SAXO1: variants seen among roughly 807,000 people sequenced by gnomAD.
SAXO1 encodes stabilizer of axonemal microtubules 1, also known as 4930500O09Rik.
SAXO1 carries 21 observed loss-of-function variants against 17.5 expected under a neutral mutation model. That is an observed-to-expected ratio of 1.20 (90% CI 0.85 to 1.72). The LOEUF is 1.72. SAXO1 is among the 40% of genes most tolerant of loss of function. The pLI is 0.00. For missense variants in SAXO1, 843 were observed against 596.0 expected, an observed-to-expected ratio of 1.41 and a Z score of -4.32; for synonymous variants, 274 against 216.5, an observed-to-expected ratio of 1.27 and a Z score of -2.33.
intron 1 of SAXO1, among the ~76,000 whole-genome samples, chr9:18,995,595 G>C (rs1392519092): frequency 1.3e-5 from 2 of 152,078 alleles, no homozygotes; most frequent in Non-Finnish European, 2.9e-5. Context: ...CCTAAACCTG[G>C]CTGCATCCCA....
chr9:19,010,676 T>G (rs552443606), intron 1 of SAXO1, among the ~76,000 whole-genome samples: 6 of 152,264 alleles, frequency 3.9e-5, no homozygotes, highest in Admixed American at 3.9e-4. Flanking sequence ...TAGAAGCAAC[T>G]TATTTTAAAA....
intron 1 of SAXO1, among the ~76,000 whole-genome samples, chr9:19,020,366 C>T (rs1835170106): frequency 6.9e-6 from 1 of 145,822 alleles, no homozygotes; most frequent in Admixed American, 6.9e-5. Flanking sequence ...TTTTGTGAGA[C>T]AGGGTCTTGC....
rs1830849170 is a variant in SAXO1 at position 18,928,203 on chromosome 9, G to C, written c.1274C>G (p.Pro425Arg). ...KEMGRCLASY[P>R]EPPGYTFEEV... is the part of the protein sequence containing the mutation. ...CTCAAAGGTGTAGCCAGGAGGCTCA[G>C]GATATGAAGCTAGGCACCTGCCCAT... Residue 425 changes from proline to arginine, a missense_variant, in exon 4 of 4, where the codon CCT becomes CGT. Coordinates refer to ENST00000380534, the MANE Select transcript of SAXO1 (RefSeq NM_153707.4). 6.2e-7 allele frequency: 1 copy of C among 1,614,198 alleles called. No individual in the cohort carries two copies. The highest frequency in any genetic ancestry group is 8.5e-7 in the Non-Finnish European group (1 of 1,180,040).
At chr9:18,939,599 T>C (rs369992996) in intron 3 of SAXO1, among the ~76,000 whole-genome samples, 10 of 152,320 alleles carry the variant, frequency 6.6e-5, no homozygotes, top group African/African-American at 2.4e-4. Flanking sequence ...AGGCATCACA[T>C]GTGCTAAACA....
intron 3 of SAXO1, among the ~76,000 whole-genome samples, chr9:18,934,990 G>A (rs775248009): frequency 1.3e-4 from 20 of 151,996 alleles, no homozygotes; most frequent in Non-Finnish European, 2.5e-4. Context: ...GCAGTGGCAC[G>A]ATCTCAGCTC....
At chr9:18,955,856 A>T (rs1390125940) in intron 1 of SAXO1, among the ~76,000 whole-genome samples, 1 of 151,032 alleles carries the variant, frequency 6.6e-6, no homozygotes, top group Non-Finnish European at 1.5e-5. Context: ...ACTGGCTATG[A>T]CTCTTCTGCT....
chr9:18,969,365 A>G (rs10511665), intron 1 of SAXO1, among the ~76,000 whole-genome samples: 27,832 of 152,042 alleles, frequency 0.18, 5,364 homozygotes, highest in African/African-American at 0.49. Flanking sequence ...CACTCTCTTC[A>G]CAAGCAATCT....
intron 1 of SAXO1, among the ~76,000 whole-genome samples, chr9:18,991,681 A>G (rs7029677): frequency 0.56 from 85,127 of 151,976 alleles, 24,323 homozygotes; most frequent in Non-Finnish European, 0.63. Flanking sequence ...AAACCTGCAC[A>G]TTGTGCACAT....
intron 1 of SAXO1, among the ~76,000 whole-genome samples, chr9:18,970,939 G>T (rs1563952804): frequency 6.6e-6 from 1 of 152,098 alleles, no homozygotes. Flanking sequence ...CAGTGCCAAG[G>T]TCTCCCTGTG....
intron 1 of SAXO1, among the ~76,000 whole-genome samples, chr9:19,044,940 A>C (rs567493188): frequency 6.6e-6 from 1 of 152,080 alleles, no homozygotes; most frequent in Non-Finnish European, 1.5e-5. Context: ...GAACCTCCAA[A>C]TGGTTCAAGA....
chr9:19,039,311 C>A (rs540147957), intron 1 of SAXO1, among the ~76,000 whole-genome samples: 1 of 152,176 alleles, frequency 6.6e-6, no homozygotes, highest in South Asian at 2.1e-4. Flanking sequence ...CGCTGTGGAA[C>A]AAAATAACGG....
intron 1 of SAXO1, among the ~76,000 whole-genome samples, chr9:19,040,230 G>C (rs1485032115): frequency 2.0e-5 from 3 of 152,106 alleles, no homozygotes; most frequent in Non-Finnish European, 4.4e-5. Context: ...AAAAATTTTT[G>C]TTAAGAAACA....
intron 3 of SAXO1, among the ~76,000 whole-genome samples, chr9:18,937,614 A>G (rs560386547): frequency 6.6e-6 from 1 of 152,284 alleles, no homozygotes; most frequent in African/African-American, 2.4e-5. Flanking sequence ...TTGGGAAATG[A>G]TTGCATCATG....
At chr9:19,045,459 CAG>C (rs1437610849) in intron 1 of SAXO1, among the ~76,000 whole-genome samples, 5 of 150,184 alleles carry the variant, frequency 3.3e-5, no homozygotes, top group Admixed American at 2.0e-4. Flanking sequence ...AAGAGTAAAA[CAG>C]GGGGTCTCTG....
intron 1 of SAXO1, among the ~76,000 whole-genome samples, chr9:18,956,993 G>A (rs1563942667): frequency 1.3e-5 from 2 of 152,206 alleles, no homozygotes. Context: ...CAAAGCCTAT[G>A]CTTTTAAATC....
intron 1 of SAXO1, among the ~76,000 whole-genome samples, chr9:19,018,019 T>C (rs1027239129): frequency 1.2e-4 from 18 of 151,790 alleles, no homozygotes; most frequent in African/African-American, 4.4e-4. Context: ...AATACAAAAA[T>C]TAGTCGGGTG....
In SAXO1 at chr9:18,928,559, T is replaced by A. The variant is rs781324703; in HGVS notation, c.918A>T (p.Thr306=). ...PPEDRMDLLT[T]VQAHYTCPKG... ...TAGGGCATGTGTAATGGGCCTGCAC[T>A]GTTGTCAGAAGATCCATCCTGTCTT... Residue 306 remains threonine (T), a synonymous_variant, in exon 4 of 4, where the codon ACA becomes ACT. Coordinates refer to ENST00000380534, the MANE Select transcript of SAXO1 (RefSeq NM_153707.4). 1 of 1,614,136 alleles carries A rather than the reference T, an allele frequency of 6.2e-7. No homozygotes were observed. The highest frequency in any genetic ancestry group is 8.5e-7 in the Non-Finnish European group (1 of 1,180,008).
intron 1 of SAXO1, among the ~76,000 whole-genome samples, chr9:18,973,465 G>C (rs375387703): frequency 6.6e-6 from 1 of 152,190 alleles, no homozygotes; most frequent in Non-Finnish European, 1.5e-5. Context: ...TCTCTAGAGC[G>C]TTGCCTTGTA....
In SAXO1 at chr9:19,029,364, A is replaced by G. The variant is rs370389009; in HGVS notation, c.38+3507T>C. On this transcript the variant is annotated intron_variant, in intron 1 of 3. Coordinates refer to ENST00000380534, the MANE Select transcript of SAXO1 (RefSeq NM_153707.4). ...AAAATGGGGGAACTGAAGCCCAGAG[A>G]GAACCAGTGACTCACTCAGGAACCC... Among the ~76,000 whole-genome samples the G allele has an allele frequency of 2.6e-5, 4 of 152,172 alleles. No individual in the cohort carries two copies. In the East Asian group the frequency reaches 7.7e-4, roughly 29 times the overall value.
Sources: allele counts gnomAD v4.1 joint callset (sites outside exome capture counted in the v4.1 genomes callset), GRCh38; gene constraint gnomAD v4.1.1; transcripts MANE v1.5; gene names NCBI Gene and HGNC (gene_info 2026-07-23, HGNC 2026-07-21).